The following DPP6 variants were observed in gnomAD, a reference collection of about 807,000 sequenced individuals.
The protein encoded by DPP6 is A-type potassium channel modulatory protein DPP6.
A neutral mutation model predicts 122.6 loss-of-function variants in DPP6; 69 were observed. The observed-to-expected ratio is 0.56, with a 90% CI of 0.46 to 0.69. DPP6 has a LOEUF of 0.69. DPP6 is among the 30% of genes least tolerant of loss of function. The probability of loss-of-function intolerance (pLI) is 0.00; values close to 1 mark genes in which losing one functional copy is unlikely to be tolerated. For missense variants in DPP6, 928 were observed against 1,116.9 expected (o/e 0.83, Z 2.41); for synonymous variants, 418 against 433.1 (o/e 0.97, Z 0.43).
At chr7:154,494,503 C>A (rs1824555266) in intron 3 of DPP6, among the ~76,000 whole-genome samples, 1 of 151,322 alleles carries the variant, frequency 6.6e-6, no homozygotes, top group South Asian at 2.1e-4. Flanking sequence ...CACAAATGAT[C>A]TCAGCATCCT....
chr7:154,490,064 A>G (rs73729304), intron 3 of DPP6, among the ~76,000 whole-genome samples: 8,676 of 152,276 alleles, frequency 0.057, 811 homozygotes, highest in African/African-American at 0.19. Context: ...GTTACAGATC[A>G]GGGGCCCTAG....
intron 1 of DPP6, among the ~76,000 whole-genome samples, chr7:154,061,931 C>CG (rs1343305244): frequency 2.4e-5 from 3 of 125,588 alleles, no homozygotes; most frequent in East Asian, 2.3e-4. Context: ...GGACCCCCAT[C>CG]GCAGGAGGGG....
intron 10 of DPP6, among the ~76,000 whole-genome samples, chr7:154,788,879 G>C (rs139930430): frequency 0.01 from 1,571 of 152,232 alleles, 12 homozygotes; most frequent in Admixed American, 0.017. Flanking sequence ...TGCCTTGTGG[G>C]AGAACCTCCC....
intron 4 of DPP6, among the ~76,000 whole-genome samples, chr7:154,549,569 C>T (rs1458668545): frequency 1.3e-5 from 2 of 152,128 alleles, no homozygotes; most frequent in Non-Finnish European, 2.9e-5. Flanking sequence ...CAAATGTGAC[C>T]TGTAGGGTAT....
At chr7:154,318,558 G>A (rs1807638986) in intron 1 of DPP6, among the ~76,000 whole-genome samples, 2 of 152,118 alleles carry the variant, frequency 1.3e-5, no homozygotes, top group Non-Finnish European at 2.9e-5. Flanking sequence ...AAACTTCTTG[G>A]AAACATAAAT....
chr7:153,901,598 A>C (rs1196025724), intron 1 of DPP6, among the ~76,000 whole-genome samples: 2 of 152,228 alleles, frequency 1.3e-5, no homozygotes, highest in Non-Finnish European at 2.9e-5. Flanking sequence ...GCTGACGGTG[A>C]TGTCAGCTTC....
At chr7:154,417,149 G>A (rs1336320712) in intron 1 of DPP6, among the ~76,000 whole-genome samples, 1 of 152,078 alleles carries the variant, frequency 6.6e-6, no homozygotes, top group African/African-American at 2.4e-5. Flanking sequence ...GAGGTGTCTG[G>A]GCTACTTGAC....
chr7:154,841,175 A>G (rs1801498763), intron 16 of DPP6, among the ~76,000 whole-genome samples: 1 of 152,216 alleles, frequency 6.6e-6, no homozygotes. Context: ...TGCGAGAAGT[A>G]TGCTGAGAAG....
chr7:154,242,511 A>G (rs1336725822), intron 1 of DPP6, among the ~76,000 whole-genome samples: 1 of 152,224 alleles, frequency 6.6e-6, no homozygotes, highest in Non-Finnish European at 1.5e-5. Flanking sequence ...CCTGGCATAA[A>G]CAACTCTAAA....
At chr7:154,849,857 C>T (rs913400770) in intron 16 of DPP6, among the ~76,000 whole-genome samples, 1 of 152,168 alleles carries the variant, frequency 6.6e-6, no homozygotes, top group African/African-American at 2.4e-5. Flanking sequence ...TACTTGTTGA[C>T]AGCTTTTATC....
chr7:154,149,873 G>T (rs1233555424), intron 1 of DPP6, among the ~76,000 whole-genome samples: 1 of 151,958 alleles, frequency 6.6e-6, no homozygotes, highest in Non-Finnish European at 1.5e-5. Context: ...CCCCGCCCCC[G>T]GCATGGGCAG....
At chr7:153,895,728 GCACA>G (rs10599371) in intron 1 of DPP6, among the ~76,000 whole-genome samples, 45,842 of 149,716 alleles carry the variant, frequency 0.31, 7,604 homozygotes, top group Middle Eastern at 0.43. Flanking sequence ...GTGCATGCGT[GCACA>G]CACACACACA....
chr7:154,287,927 A>G (rs1585836783), intron 1 of DPP6, among the ~76,000 whole-genome samples: 1 of 152,188 alleles, frequency 6.6e-6, no homozygotes, highest in East Asian at 1.9e-4. Context: ...AGAGTTTTGG[A>G]AGATTTGACC....
intron 16 of DPP6, among the ~76,000 whole-genome samples, chr7:154,829,340 G>A (rs2059721256): frequency 6.6e-6 from 1 of 151,156 alleles, no homozygotes; most frequent in South Asian, 2.1e-4. Flanking sequence ...CTGTGATTGT[G>A]CCACTGCAAG....
intron 4 of DPP6, among the ~76,000 whole-genome samples, chr7:154,565,979 G>A (rs1017474737): frequency 6.6e-6 from 1 of 152,168 alleles, no homozygotes; most frequent in South Asian, 2.1e-4. Flanking sequence ...GAGGGCAGGG[G>A]CAATTAAAAG....
At chr7:154,623,572 C>T (rs1372306921) in intron 5 of DPP6, among the ~76,000 whole-genome samples, 1 of 62,968 alleles carries the variant, frequency 1.6e-5, no homozygotes, top group African/African-American at 4.4e-5. Context: ...CACGCACACA[C>T]ACACGCACGC....
At chr7:154,647,940 G>A (rs1452674489) in intron 6 of DPP6, among the ~76,000 whole-genome samples, 1 of 151,962 alleles carries the variant, frequency 6.6e-6, no homozygotes. Flanking sequence ...TGTGCTGTGT[G>A]TTCCTTCTTC....
At chr7:154,553,975 A>G (rs1829834048) in intron 4 of DPP6, among the ~76,000 whole-genome samples, 1 of 151,420 alleles carries the variant, frequency 6.6e-6, no homozygotes, top group East Asian at 1.9e-4. Flanking sequence ...GGTTAGAGAG[A>G]ACCGAGCTGT....
chr7:154,035,668 A>G (rs968985016), intron 1 of DPP6, among the ~76,000 whole-genome samples: 28 of 152,072 alleles, frequency 1.8e-4, no homozygotes, highest in Non-Finnish European at 3.7e-4. Context: ...ACCCCTAGAA[A>G]AGCTATGTGG....
Sources: allele counts gnomAD v4.1 joint callset (sites outside exome capture counted in the v4.1 genomes callset), GRCh38; gene constraint gnomAD v4.1.1; transcripts MANE v1.5; gene names NCBI Gene and HGNC (gene_info 2026-07-23, HGNC 2026-07-21).